The following WWOX variants were observed in gnomAD, a reference collection of about 807,000 sequenced individuals.
WWOX encodes the protein WW domain-containing oxidoreductase.
WWOX carries 69 observed loss-of-function variants against 46.2 expected under a neutral mutation model. The observed-to-expected ratio is 1.49, with a 90% CI of 1.23 to 1.82. The LOEUF (loss-of-function observed/expected upper bound fraction) is 1.82, where lower values mean the gene tolerates loss of function less well. Among genes scored for constraint, WWOX ranks in the 40% most tolerant of loss-of-function variants. The pLI, the probability that WWOX is intolerant of heterozygous loss-of-function variation, is 0.00. For missense variants in WWOX, 919 were observed against 542.6 expected, an observed-to-expected ratio of 1.69 and a Z score of -6.89; for synonymous variants, 359 against 202.6, an observed-to-expected ratio of 1.77 and a Z score of -6.56.
chr16:79,102,678 A>G (rs1396299698), intron 8 of WWOX, among the ~76,000 whole-genome samples: 2 of 152,154 alleles, frequency 1.3e-5, no homozygotes, highest in Non-Finnish European at 2.9e-5. Context: ...TATAATAGCC[A>G]CTGCATAAAG....
intron 8 of WWOX, among the ~76,000 whole-genome samples, chr16:78,984,245 A>C (rs1007178299): frequency 6.6e-6 from 1 of 152,056 alleles, no homozygotes; most frequent in African/African-American, 2.4e-5. Context: ...ACCCCTGTAC[A>C]TGTTTGCCAA....
At position 78,109,689 on chromosome 16, in the gene WWOX, C is replaced by T. The variant is rs1033256374; in HGVS notation, c.173-89C>T. On this transcript the variant is annotated intron_variant, in intron 2 of 8. Transcript: ENST00000566780. ...TGGGTGGGAGGGACAGGCTTGGGGG[C>T]GGGGCTGGGAGGGCTCCTTCCCTTC... The T allele has an allele frequency of 1.6e-4, 180 of 1,108,314 alleles. 1 individual carries two copies. The highest frequency in any genetic ancestry group is 6.3e-5 in the African/African-American group (3 of 47,538). 68.7% of individuals were successfully genotyped at this position (1,108,314 alleles called of 1,614,324 possible).
At chr16:78,373,793 A>T (rs1567533134) in intron 5 of WWOX, among the ~76,000 whole-genome samples, 1 of 152,028 alleles carries the variant, frequency 6.6e-6, no homozygotes, top group Non-Finnish European at 1.5e-5. Context: ...CTGAGCATAT[A>T]TATGTATATT....
chr16:78,898,997 C>T (rs980029785), intron 8 of WWOX: 1 of 152,146 alleles, frequency 6.6e-6, no homozygotes, highest in African/African-American at 2.4e-5. Flanking sequence ...TTCACCTTTT[C>T]CTTTTTGTTA....
intron 8 of WWOX, among the ~76,000 whole-genome samples, chr16:78,538,896 AC>A (rs774367884): frequency 1.6e-4 from 24 of 152,208 alleles, no homozygotes; most frequent in Non-Finnish European, 3.2e-4. Flanking sequence ...TTGAAAACTT[AC>A]CTTGTTTATA....
chr16:78,975,995 G>A (rs894086080), intron 8 of WWOX, among the ~76,000 whole-genome samples: 2 of 152,174 alleles, frequency 1.3e-5, no homozygotes, highest in African/African-American at 4.8e-5. Context: ...CCTTTGCAAA[G>A]TCTTTTTATG....
chr16:78,266,159 G>A (rs1418964509), intron 5 of WWOX: 9 of 152,154 alleles, frequency 5.9e-5, no homozygotes, highest in East Asian at 5.8e-4. Flanking sequence ...TGTACAGCCC[G>A]AGAGCTAAGA....
intron 8 of WWOX, among the ~76,000 whole-genome samples, chr16:78,555,636 G>A (rs569417604): frequency 6.9e-5 from 10 of 145,502 alleles, no homozygotes; most frequent in East Asian, 4.0e-4. Flanking sequence ...GTTGCTGTAC[G>A]TCTGAAGGGC....
At chr16:78,825,424 A>T in intron 8 of WWOX, 2 of 331,668 alleles carry the variant, frequency 6.0e-6, no homozygotes, top group East Asian at 1.5e-4. Context: ...GACAGTAACA[A>T]ATATCTTAGC....
At chr16:78,426,670 GTTA>G (rs1363514928) in intron 7 of WWOX, among the ~76,000 whole-genome samples, 2 of 151,804 alleles carry the variant, frequency 1.3e-5, no homozygotes, top group Non-Finnish European at 2.9e-5. Context: ...TATTATTACT[GTTA>G]TTATTATTTG....
chr16:78,451,125 G>C (rs1192645118), intron 8 of WWOX, among the ~76,000 whole-genome samples: 2 of 152,188 alleles, frequency 1.3e-5, no homozygotes. Context: ...GGCTCTGTTG[G>C]GTTCTTAGTT....
intron 8 of WWOX, among the ~76,000 whole-genome samples, chr16:78,972,256 C>T (rs916587751): frequency 6.6e-6 from 1 of 152,208 alleles, no homozygotes; most frequent in East Asian, 1.9e-4. Context: ...TGTAATGTTG[C>T]TGTTTGTAAC....
chr16:79,004,217 G>C (rs1188914692), intron 8 of WWOX: 3 of 152,166 alleles, frequency 2.0e-5, no homozygotes, highest in Admixed American at 6.5e-5. Context: ...TGCACCTTCA[G>C]AACCACATCT....
intron 8 of WWOX, among the ~76,000 whole-genome samples, chr16:78,869,520 G>A (rs1056618610): frequency 2.0e-5 from 3 of 152,182 alleles, no homozygotes; most frequent in Non-Finnish European, 4.4e-5. Context: ...ATGTAAAATA[G>A]GATTCATTTC....
chr16:79,150,740 C>G (rs754296849), intron 8 of WWOX, among the ~76,000 whole-genome samples: 22 of 152,188 alleles, frequency 1.4e-4, no homozygotes, highest in African/African-American at 4.1e-4. Flanking sequence ...CTCCTGGACT[C>G]AAGTGACTTT....
At chr16:78,657,211 A>G (rs1303087819) in intron 8 of WWOX, among the ~76,000 whole-genome samples, 2 of 151,840 alleles carry the variant, frequency 1.3e-5, no homozygotes, top group East Asian at 3.9e-4. Context: ...CATTGTCATC[A>G]TCTCCACCAT....
At chr16:79,009,435 T>C (rs2047259050) in intron 8 of WWOX, among the ~76,000 whole-genome samples, 1 of 151,854 alleles carries the variant, frequency 6.6e-6, no homozygotes, top group Admixed American at 6.6e-5. Flanking sequence ...AAGGAGACAC[T>C]GGGGCTTCTG....
At chr16:78,515,549 G>C (rs531440671) in intron 8 of WWOX, among the ~76,000 whole-genome samples, 1 of 152,168 alleles carries the variant, frequency 6.6e-6, no homozygotes, top group African/African-American at 2.4e-5. Flanking sequence ...GTCTATGAAC[G>C]TTTTTAGAAA....
chr16:78,435,860 A>G (rs1170357260), intron 8 of WWOX, among the ~76,000 whole-genome samples: 2 of 152,198 alleles, frequency 1.3e-5, no homozygotes, highest in Admixed American at 6.5e-5. Flanking sequence ...AGGACCGACA[A>G]TAATGCATAT....
Sources: gnomAD v4.1 joint callset for allele counts (sites outside exome capture counted in the v4.1 genomes callset) on GRCh38, gnomAD v4.1.1 for gene constraint, MANE v1.5 for transcripts, NCBI Gene and HGNC (gene_info 2026-07-23, HGNC 2026-07-21) for gene names.